The following RABGAP1L variants were observed in gnomAD, a reference collection of about 807,000 sequenced individuals.
The protein encoded by RABGAP1L is rab GTPase-activating protein 1-like.
A neutral mutation model predicts 137.7 loss-of-function variants in RABGAP1L; 63 were observed. The observed-to-expected ratio is 0.46, with a 90% CI of 0.37 to 0.56. The LOEUF is 0.56. Among genes scored for constraint, RABGAP1L ranks in the 20% least tolerant of loss-of-function variants. The probability of loss-of-function intolerance (pLI) is 0.00; values close to 1 mark genes in which losing one functional copy is unlikely to be tolerated. For synonymous variants in RABGAP1L, 431 were observed against 433.7 expected, an observed-to-expected ratio of 0.99 and a Z score of 0.08; for missense variants, 1,095 against 1,244.0, an observed-to-expected ratio of 0.88 and a Z score of 1.80.
At chr1:174,900,527 A>G (rs1394404020) in intron 19 of RABGAP1L, among the ~76,000 whole-genome samples, 1 of 152,182 alleles carries the variant, frequency 6.6e-6, no homozygotes, top group Non-Finnish European at 1.5e-5. Flanking sequence ...GGAGTTGCAA[A>G]GCCATTCACA....
At chr1:174,177,307 C>T (rs907553921) in intron 1 of RABGAP1L, among the ~76,000 whole-genome samples, 8 of 152,044 alleles carry the variant, frequency 5.3e-5, no homozygotes, top group Non-Finnish European at 8.8e-5. Context: ...TCATATCCTT[C>T]GCCTACTTTT....
Position 174,921,609 on chromosome 1 carries a change from A to G in RABGAP1L, c.2341-35848A>G, listed in dbSNP as rs74688043. On this transcript the variant is annotated intron_variant, in intron 19 of 25. Transcript: ENST00000681986. ...TCTGCAAAGATCAAGATTAATTACA[A>G]TTGTTTCAAAGTAATCCGGAAATCA... Among the ~76,000 whole-genome samples the G allele has an allele frequency of 2.6e-3, 392 of 152,342 alleles. 5 individuals carry two copies. The highest frequency in any genetic ancestry group is 8.8e-3 in the African/African-American group (365 of 41,576).
At chr1:174,800,106 G>T (rs1049317173) in intron 18 of RABGAP1L, 6 of 1,342,104 alleles carry the variant, frequency 4.5e-6, no homozygotes, top group African/African-American at 1.5e-5. Context: ...TTTTTATTTA[G>T]ATCAGTACTT....
chr1:174,885,023 C>G (rs1015124762), intron 19 of RABGAP1L, among the ~76,000 whole-genome samples: 1 of 152,180 alleles, frequency 6.6e-6, no homozygotes, highest in Non-Finnish European at 1.5e-5. Flanking sequence ...ACCTCACTTG[C>G]AATTAGCTCT....
At chr1:174,472,673 A>G (rs1658074633) in intron 13 of RABGAP1L, among the ~76,000 whole-genome samples, 1 of 152,182 alleles carries the variant, frequency 6.6e-6, no homozygotes, top group Admixed American at 6.5e-5. Context: ...TGTGCCAGAG[A>G]AGCTTGCCTG....
rs1234518243 is a variant in RABGAP1L at position 174,375,193 on chromosome 1, A to C, written c.1559+4121A>C. On this transcript the variant is annotated intron_variant, in intron 12 of 25. Coordinates refer to ENST00000681986, the MANE Select transcript of RABGAP1L (RefSeq NM_001366446.1). ...TAAAACTATAAACAAAATTTAATATAGAAAAAATATTATGCTTTTCTTTTT... is the reference window on the plus strand; with the variant it reads ...TAAAACTATAAACAAAATTTAATATCGAAAAAATATTATGCTTTTCTTTTT... Among the ~76,000 whole-genome samples the C allele has an allele frequency of 2.0e-5, 3 of 152,064 alleles. No homozygotes were observed. The East Asian group carries it at 5.8e-4, about 29-fold the overall frequency.
At chr1:174,861,616 G>A (rs147380378) in intron 19 of RABGAP1L, among the ~76,000 whole-genome samples, 2 of 151,686 alleles carry the variant, frequency 1.3e-5, no homozygotes, top group Admixed American at 1.3e-4. Context: ...ACTAACAATT[G>A]TTATCTCTTT....
At chr1:174,746,109 T>G (rs923220347) in intron 17 of RABGAP1L, among the ~76,000 whole-genome samples, 1 of 152,212 alleles carries the variant, frequency 6.6e-6, no homozygotes, top group African/African-American at 2.4e-5. Context: ...GAACCCACGA[T>G]TGCCTGCTTA....
At chr1:174,247,655 G>A (rs564381705) in intron 5 of RABGAP1L, among the ~76,000 whole-genome samples, 12 of 152,278 alleles carry the variant, frequency 7.9e-5, no homozygotes, top group Non-Finnish European at 1.3e-4. Flanking sequence ...ATATCCTTGC[G>A]TGTGGAGAGC....
At chr1:174,549,039 T>A (rs1271110348) in intron 13 of RABGAP1L, among the ~76,000 whole-genome samples, 1 of 152,164 alleles carries the variant, frequency 6.6e-6, no homozygotes, top group East Asian at 1.9e-4. Flanking sequence ...TTTCAGTGTA[T>A]CTAAAACCAT....
At chr1:174,351,071 G>C (rs1391815403) in intron 11 of RABGAP1L, among the ~76,000 whole-genome samples, 3 of 71,410 alleles carry the variant, frequency 4.2e-5, no homozygotes, top group Admixed American at 2.8e-4. Context: ...GAGACCGTGG[G>C]GGGAGGGGGA....
chr1:174,302,586 T>C (rs1326200788), intron 10 of RABGAP1L, among the ~76,000 whole-genome samples: 2 of 152,210 alleles, frequency 1.3e-5, no homozygotes, highest in Admixed American at 6.5e-5. Context: ...AGGCAAGAGA[T>C]AGTTTGGAGA....
chr1:174,781,112 A>G (rs1399136095), intron 18 of RABGAP1L, among the ~76,000 whole-genome samples: 1 of 152,134 alleles, frequency 6.6e-6, no homozygotes, highest in African/African-American at 2.4e-5. Flanking sequence ...GTCAAATGGT[A>G]TTTCTAGTTC....
At chr1:174,805,732 C>T (rs547442103) in intron 18 of RABGAP1L, among the ~76,000 whole-genome samples, 1 of 152,064 alleles carries the variant, frequency 6.6e-6, no homozygotes, top group African/African-American at 2.4e-5. Context: ...GAACACCTGA[C>T]CTCAAGTGAT....
At chr1:174,234,289 T>C (rs1670958100) in intron 4 of RABGAP1L, among the ~76,000 whole-genome samples, 1 of 122,098 alleles carries the variant, frequency 8.2e-6, no homozygotes. Flanking sequence ...CATTTGTCAA[T>C]TTTGTCTTTT....
intron 1 of RABGAP1L, among the ~76,000 whole-genome samples, chr1:174,195,697 C>CTT (rs1558021475): frequency 1.1e-5 from 1 of 92,800 alleles, no homozygotes; most frequent in African/African-American, 4.8e-5. Context: ...TCCTTCTTTC[C>CTT]TTCTTTCCTT....
At chr1:174,613,317 C>T (rs966219807) in intron 13 of RABGAP1L, among the ~76,000 whole-genome samples, 4 of 152,032 alleles carry the variant, frequency 2.6e-5, no homozygotes, top group Non-Finnish European at 5.9e-5. Flanking sequence ...GTTATGTACC[C>T]AGTAGTCATT....
At chr1:174,200,290 CAT>C (rs1277134602) in intron 1 of RABGAP1L, among the ~76,000 whole-genome samples, 2 of 152,194 alleles carry the variant, frequency 1.3e-5, no homozygotes, top group African/African-American at 4.8e-5. Flanking sequence ...ATGTGAAACA[CAT>C]ATATCTTACT....
At chr1:174,587,368 C>T (rs1419056431) in intron 13 of RABGAP1L, among the ~76,000 whole-genome samples, 1 of 151,426 alleles carries the variant, frequency 6.6e-6, no homozygotes, top group African/African-American at 2.4e-5. Flanking sequence ...GGGTGCAGTG[C>T]ACCAGCATGG....
Sources: allele counts gnomAD v4.1 joint callset (sites outside exome capture counted in the v4.1 genomes callset), GRCh38; gene constraint gnomAD v4.1.1; transcripts MANE v1.5; gene names NCBI Gene and HGNC (gene_info 2026-07-23, HGNC 2026-07-21).